Variants in STX17 observed in about 807,000 individuals in gnomAD.
STX17 encodes the protein syntaxin 17.
Under a neutral mutation model 35.9 loss-of-function variants are expected in STX17, and 29 were observed. The ratio of observed to expected loss-of-function variants is 0.81; its 90% CI spans 0.60 to 1.10. The LOEUF is 1.10. Among genes scored for constraint, STX17 ranks in the 50% least tolerant of loss-of-function variants. The pLI is 0.00. For synonymous variants in STX17, 92 were observed against 118.3 expected (o/e 0.78, Z 1.44); for missense variants, 312 against 352.3 (o/e 0.89, Z 0.92).
intron 3 of STX17, among the ~76,000 whole-genome samples, chr9:99,950,613 G>A (rs898832495): frequency 2.6e-5 from 4 of 151,874 alleles, no homozygotes; most frequent in African/African-American, 9.7e-5. Context: ...GTTGAGTATG[G>A]AATGGCAAAT....
At chr9:99,919,292 C>T (rs913002233) in intron 2 of STX17, among the ~76,000 whole-genome samples, 3 of 152,086 alleles carry the variant, frequency 2.0e-5, no homozygotes, top group Admixed American at 6.5e-5. Flanking sequence ...TTTTTAGAGA[C>T]GAGGTCTCAC....
chr9:99,945,766 A>G, intron 3 of STX17: 1 of 397,308 alleles, frequency 2.5e-6, no homozygotes, highest in Non-Finnish European at 5.0e-6. Context: ...TCAACTGTGG[A>G]ACAAAAATTT....
rs748915759 is a variant in STX17 at position 99,968,489 on chromosome 9, T to C, written c.725T>C (p.Met242Thr). 6.2e-7 allele frequency: 1 copy of C among 1,606,388 alleles called. No homozygotes were observed. The highest frequency in any genetic ancestry group is 2.2e-5 in the East Asian group (1 of 44,616). The change falls in exon 8 of 8, where the codon ATG (methionine) becomes ACG (threonine). Residue 242 changes from methionine to threonine, a missense_variant. Transcript: ENST00000259400. ...GTGGCAGGTGCACTCATCGGGGGAA[T>C]GGTAGGGGGTCCTATTGGCCTCCTT... is the stretch of plus-strand genomic sequence containing the variant. The part of the protein sequence containing the change: ...LPVAGALIGG[M>T]VGGPIGLLAG...
intron 4 of STX17, among the ~76,000 whole-genome samples, chr9:99,954,212 C>T (rs929658595): frequency 2.0e-5 from 3 of 152,006 alleles, no homozygotes; most frequent in Non-Finnish European, 2.9e-5. Context: ...ATCTCTATAA[C>T]TAGTATTGAT....
At chr9:99,945,518 T>C (rs543221560) in intron 3 of STX17, among the ~76,000 whole-genome samples, 75 of 152,132 alleles carry the variant, frequency 4.9e-4, no homozygotes, top group Non-Finnish European at 6.0e-4. Flanking sequence ...GCTTAAGTTT[T>C]TTAAAATTCA....
At chr9:99,916,979 C>T (rs1198792440) in intron 2 of STX17, among the ~76,000 whole-genome samples, 1 of 152,124 alleles carries the variant, frequency 6.6e-6, no homozygotes, top group Admixed American at 6.6e-5. Flanking sequence ...AATGGAAAAG[C>T]CAGGTGGGTG....
chr9:99,959,954 G>A lies in STX17; in HGVS notation c.453G>A (p.Gln151=). 1 of 1,613,812 alleles carries A rather than the reference G, an allele frequency of 6.2e-7. No homozygotes were observed. Among genetic ancestry groups the A allele is most frequent in the Non-Finnish European group, 8.5e-7 (1 of 1,179,954 alleles). ...CTACTGAAGCTGAAGCTAGTTCTCAGAGTTTGACTCAGATATATGCCTTAC... is the reference window on the plus strand; with the variant it reads ...CTACTGAAGCTGAAGCTAGTTCTCAAAGTTTGACTCAGATATATGCCTTAC... ...FHTTEAEASS[Q]SLTQIYALPE... is the part of the protein sequence containing the mutation. Residue 151 remains glutamine (Q), a synonymous_variant, in exon 5 of 8, where the codon CAG becomes CAA. Transcript: ENST00000259400.
At chr9:99,928,883 AAGAC>A (rs1829048250) in intron 3 of STX17, 40 bp downstream of exon 3, 1 of 1,587,582 alleles carries the variant, frequency 6.3e-7, no homozygotes, top group Admixed American at 1.7e-5. Flanking sequence ...CAGTATGAAA[AAGAC>A]AGTCTTAAGA....
intron 3 of STX17, chr9:99,937,783 A>G (rs907528260): frequency 6.6e-6 from 1 of 152,016 alleles, no homozygotes; most frequent in South Asian, 2.1e-4. Context: ...GTCTAGTGAT[A>G]TTTGATTGGG....
intron 1 of STX17, among the ~76,000 whole-genome samples, chr9:99,911,688 A>T (rs1019143470): frequency 6.6e-6 from 1 of 151,930 alleles, no homozygotes; most frequent in African/African-American, 2.4e-5. Context: ...GGCTCAAGGG[A>T]TCTTCCCACC....
rs779165577 is a variant in STX17, at chr9:99,974,281, G to A, written c.*5608G>A. On this transcript the variant is annotated 3_prime_UTR_variant, in exon 8 of 8. Transcript: ENST00000259400. ...TACATGTTTTCTGTACACTTCATGA[G>A]TAGTTGAGATTTTCTTGTATTAAGG... Among the ~76,000 whole-genome samples, 3 of 152,156 alleles carry A rather than the reference G, an allele frequency of 2.0e-5. No homozygotes were observed. Among genetic ancestry groups the A allele is most frequent in the African/African-American group, 4.8e-5 (2 of 41,432 alleles).
chr9:99,948,210 T>C (rs1440781285), intron 3 of STX17, among the ~76,000 whole-genome samples: 1 of 152,104 alleles, frequency 6.6e-6, no homozygotes, highest in African/African-American at 2.4e-5. Context: ...CAGTTTGAAC[T>C]GAGATGTGCT....
intron 1 of STX17, chr9:99,906,952 C>A (rs1828561338): frequency 6.6e-6 from 1 of 152,268 alleles, no homozygotes; most frequent in African/African-American, 2.4e-5. Context: ...GACGGCCTCC[C>A]GGGGTCGCGG....
chr9:99,940,272 A>C (rs1393401763), intron 3 of STX17, among the ~76,000 whole-genome samples: 1 of 151,834 alleles, frequency 6.6e-6, no homozygotes, highest in Non-Finnish European at 1.5e-5. Flanking sequence ...CTGGGATTAC[A>C]GGTGCCCACC....
chr9:99,940,341 G>A (rs1216010803), intron 3 of STX17, among the ~76,000 whole-genome samples: 5 of 151,936 alleles, frequency 3.3e-5, no homozygotes, highest in Non-Finnish European at 7.4e-5. Flanking sequence ...ACGTTGGCCA[G>A]GCTGGTCTCA....
intron 3 of STX17, chr9:99,937,951 C>T (rs1829270875): frequency 6.6e-6 from 1 of 152,188 alleles, no homozygotes; most frequent in African/African-American, 2.4e-5. Flanking sequence ...TATAGCGCTG[C>T]TCAGTCTGTG....
chr9:99,949,396 TACAGTAAAATGGA>T (rs1005557252), intron 3 of STX17, among the ~76,000 whole-genome samples: 14 of 152,016 alleles, frequency 9.2e-5, no homozygotes, highest in Non-Finnish European at 1.6e-4. Context: ...TTAATTTTAC[TACAGTAAAATGGA>T]AACTTTAGAT....
chr9:99,941,281 T>C (rs1829355278), intron 3 of STX17, among the ~76,000 whole-genome samples: 1 of 152,118 alleles, frequency 6.6e-6, no homozygotes, highest in Middle Eastern at 3.2e-3. Flanking sequence ...TTAGACACAA[T>C]CCCCGTTCTT....
At chr9:99,966,957 C>T (rs1829924655) in intron 6 of STX17, among the ~76,000 whole-genome samples, 1 of 152,184 alleles carries the variant, frequency 6.6e-6, no homozygotes, top group South Asian at 2.1e-4. Flanking sequence ...CCATGAGTCA[C>T]AGTTGCTGTT....
Sources: gnomAD v4.1 joint callset for allele counts (sites outside exome capture counted in the v4.1 genomes callset) on GRCh38, gnomAD v4.1.1 for gene constraint, MANE v1.5 for transcripts, NCBI Gene and HGNC (gene_info 2026-07-23, HGNC 2026-07-21) for gene names.